Variants in C1R observed in about 807,000 individuals in gnomAD.
C1R encodes the protein complement C1r subcomponent.
A neutral mutation model predicts 27.6 loss-of-function variants in C1R; 15 were observed. The observed-to-expected ratio is 0.54, with a 90% CI of 0.36 to 0.84. The LOEUF (loss-of-function observed/expected upper bound fraction) is 0.84. Among genes scored for constraint, C1R ranks in the 40% least tolerant of loss-of-function variants. C1R has a pLI of 0.01. For missense variants in C1R, 544 were observed against 577.9 expected (o/e 0.94, Z 0.60); for synonymous variants, 253 against 228.8 (o/e 1.11, Z -0.95).
rs1441230026 is a variant in C1R at position 7,081,453 on chromosome 12, A to G, written c.1349-152T>C. 8 of 636,500 alleles carry G rather than the reference A, an allele frequency of 1.3e-5. No homozygotes were observed. In the Admixed American group the frequency reaches 1.6e-4, roughly 13 times the overall value. 39.4% of individuals were successfully genotyped at this position (636,500 alleles called of 1,614,324 possible). On this transcript the variant is annotated intron_variant, in intron 10 of 10. Transcript: ENST00000647956. The stretch of plus-strand genomic sequence containing the variant: ...ATCCCCACACCTCCGTCATTGGCCT[A>G]TTGACAGGCTCTTCTTGTTCTTGTT...
intron 7 of C1R, chr12:7,087,659 A>T (rs1938176093): frequency 6.5e-6 from 1 of 154,372 alleles, no homozygotes; most frequent in South Asian, 2.0e-4. Context: ...ATGGAGCTGG[A>T]AGCACCTTGG....
Position 7,091,890 on chromosome 12 carries a change from G to T in C1R, c.3-210C>A. The T allele has an allele frequency of 1.4e-6, 1 of 690,826 alleles. No homozygotes were observed. Among genetic ancestry groups the T allele is most frequent in the Non-Finnish European group, 2.6e-6 (1 of 378,966 alleles). 42.8% of individuals were successfully genotyped at this position (690,826 alleles called of 1,614,324 possible). ...GCATCGGGTCACTCTCCAGGGCAGT[G>T]TCCAGTCCAGAGGCCACCACACTCC... On this transcript the variant is annotated intron_variant, in intron 1 of 10. Transcript: ENST00000647956. This position sits in a 1 kb window ranked among gnomAD's most constrained non-coding sequence, Gnocchi z 5.1.
intron 7 of C1R, among the ~76,000 whole-genome samples, chr12:7,088,069 G>A (rs1342349439): frequency 6.6e-6 from 1 of 152,210 alleles, no homozygotes; most frequent in Non-Finnish European, 1.5e-5. Flanking sequence ...AAGAGCCCCG[G>A]AGCAGGAGGC....
Position 7,080,960 on chromosome 12 carries a change from C to T in C1R, c.1690G>A (p.Glu564Lys). The change falls in exon 11 of 11, where the codon GAA becomes AAA. Residue 564 changes from glutamate to lysine, a missense_variant. Around this residue, in one of 2 missense-constraint regions of C1R, gnomAD observed 253 missense variants for 368.9 expected, o/e 0.69. Transcript: ENST00000647956. The surrounding 1 kb of genome is among the most constrained non-coding windows in gnomAD (Gnocchi z 4.9). ...FEGDIALLEL[E>K]NSVTLGPNLL... ...TTGGGACCCAGGGTGACACTATTTT[C>T]CAGCTCCAGCAGGGCGATGTCCCCC... 6.2e-7 allele frequency: 1 copy of T among 1,613,430 alleles called. No individual in the cohort carries two copies. The highest frequency in any genetic ancestry group is 8.5e-7 in the Non-Finnish European group (1 of 1,179,428).
At position 7,082,126 on chromosome 12, in the gene C1R, G is replaced by T; in HGVS notation, c.1274-20C>A. The T allele has an allele frequency of 7.2e-7, 1 of 1,392,828 alleles. No individual in the cohort carries two copies. The highest frequency in any genetic ancestry group is 9.9e-7 in the Non-Finnish European group (1 of 1,015,096). The allele number at this position is 1,392,828 out of a possible 1,614,324, so 86.3% of individuals were successfully genotyped here. ...ACACCCCTGAGGGCAGAGGAGGCAA[G>T]AATCAAGTTGGGGGGTGATGGGTAA... On this transcript the variant is annotated intron_variant, in intron 9 of 10. Transcript: ENST00000647956.
chr12:7,086,956 A>G (rs1478476369), intron 7 of C1R: 1 of 152,490 alleles, frequency 6.6e-6, no homozygotes, highest in Non-Finnish European at 1.5e-5. Context: ...GCAGCTTTGA[A>G]AGGTGCTGGA....
At position 7,080,637 on chromosome 12, in the gene C1R, C is replaced by T. The variant is rs202082509; in HGVS notation, c.2013G>A (p.Thr671=). 1.3e-4 allele frequency: 216 copies of T among 1,613,930 alleles called. No homozygotes were observed. The African/African-American group carries it at 2.3e-3, about 17-fold the overall frequency. Residue 671 remains threonine, a synonymous_variant, in exon 11 of 11, where the codon ACG becomes ACA. Transcript: ENST00000647956. This position sits in a 1 kb window ranked among gnomAD's most constrained non-coding sequence, Gnocchi z 4.9. The part of the protein sequence containing the change: ...RDPNTDRWVA[T]GIVSWGIGCS... ...ACCCGATGCCCCAGGACACGATGCC[C>T]GTGGCCACCCAGCGATCAGTGTTCG... is the stretch of plus-strand genomic sequence containing the variant.
chr12:7,088,041 G>A (rs764171998), intron 7 of C1R, among the ~76,000 whole-genome samples: 1 of 152,152 alleles, frequency 6.6e-6, no homozygotes, highest in African/African-American at 2.4e-5. Context: ...CGCAGGGGGA[G>A]ACCACCAACA....
At position 7,080,818 on chromosome 12, in the gene C1R, C is replaced by T. The variant is rs755238983; in HGVS notation, c.1832G>A (p.Arg611His). 6 of 1,613,786 alleles carry T rather than the reference C, an allele frequency of 3.7e-6. No homozygotes were observed. The African/African-American group carries it at 4.0e-5, about 11-fold the overall frequency. Residue 611 changes from arginine to histidine, a missense_variant, in exon 11 of 11, where the codon CGT becomes CAT. Coordinates refer to ENST00000647956, the MANE Select transcript of C1R (RefSeq NM_001733.7). This position sits in a 1 kb window ranked among gnomAD's most constrained non-coding sequence, Gnocchi z 4.9. ...GGCCTGTGGATTAGCTACGGGCAGACGGACAAACCTGAGGTCATGAGCAAT... is the reference window on the plus strand; with the variant it reads ...GGCCTGTGGATTAGCTACGGGCAGATGGACAAACCTGAGGTCATGAGCAAT... ...EKIAHDLRFV[R>H]LPVANPQACE...
Position 7,080,654 on chromosome 12 carries a change from C to G in C1R, c.1996G>C (p.Asp666His). The change falls in exon 11 of 11, where the codon GAT (aspartate) becomes CAT (histidine). Residue 666 changes from aspartate (D) to histidine (H), a missense_variant. By Grantham distance (81) the Asp-to-His change is moderately conservative. Coordinates refer to ENST00000647956, the MANE Select transcript of C1R (RefSeq NM_001733.7). The surrounding 1 kb of genome is among the most constrained non-coding windows in gnomAD (Gnocchi z 4.9). The part of the protein sequence containing the change: ...GVFAVRDPNT[D>H]RWVATGIVSW... ...ACGATGCCCGTGGCCACCCAGCGATCAGTGTTCGGGTCCCTTACTGCAAAA... is the reference window on the plus strand; with the variant it reads ...ACGATGCCCGTGGCCACCCAGCGATGAGTGTTCGGGTCCCTTACTGCAAAA... 1 of 1,613,938 alleles carries G rather than the reference C, an allele frequency of 6.2e-7. No individual in the cohort carries two copies. Among genetic ancestry groups the G allele is most frequent in the Non-Finnish European group, 8.5e-7 (1 of 1,179,890 alleles).
chr12:7,082,582 C>T (rs983867567), intron 9 of C1R, among the ~76,000 whole-genome samples: 1,665 of 152,116 alleles, frequency 0.011, 24 homozygotes, highest in African/African-American at 0.037. Context: ...CCACCTGCCT[C>T]GGTCTCCCAA....
intron 8 of C1R, 149 bp downstream of exon 8, chr12:7,086,230 C>G: frequency 2.5e-6 from 1 of 397,646 alleles, no homozygotes; most frequent in Non-Finnish European, 4.4e-6. Context: ...TCACTGATTC[C>G]TGAGATGGCC....
At chr12:7,086,340 G>A in intron 8 of C1R, 39 bp downstream of exon 8, 1 of 398,560 alleles carries the variant, frequency 2.5e-6, no homozygotes, top group East Asian at 3.6e-5. Context: ...GGCAGGAGGT[G>A]GGAGGTCCCC....
chr12:7,082,706 A>G (rs1305778910), intron 9 of C1R, among the ~76,000 whole-genome samples: 2 of 152,318 alleles, frequency 1.3e-5, no homozygotes, highest in Non-Finnish European at 2.9e-5. Context: ...GAAGGAATAT[A>G]TCAAAATCTT....
intron 2 of C1R, 84 bp from the exon 3 acceptor site, chr12:7,090,332 C>T (rs1170035130): frequency 1.8e-5 from 12 of 657,190 alleles, no homozygotes; most frequent in Non-Finnish European, 2.5e-5. Context: ...CTCCTTGTCT[C>T]GCCCAGAGTG....
At chr12:7,092,218 C>T in intron 1 of C1R, 169 bp downstream of exon 1, 1 of 677,382 alleles carries the variant, frequency 1.5e-6, no homozygotes, top group Non-Finnish European at 2.8e-6. Flanking sequence ...CCTCTGATCC[C>T]TAGGAGGAGG....
At chr12:7,088,071 G>A (rs183836682) in intron 7 of C1R, among the ~76,000 whole-genome samples, 1 of 152,310 alleles carries the variant, frequency 6.6e-6, no homozygotes, top group Non-Finnish European at 1.5e-5. Context: ...GAGCCCCGGA[G>A]CAGGAGGCAG....
chr12:7,090,972 A>G (rs7135975), intron 2 of C1R, among the ~76,000 whole-genome samples: 35,388 of 152,126 alleles, frequency 0.23, 4,370 homozygotes, highest in South Asian at 0.37. Flanking sequence ...GGATAGAGAA[A>G]GACAGGCCTG....
chr12:7,090,285 GT>G (rs2135744434), intron 2 of C1R, 37 bp from the exon 3 acceptor site: 1 of 706,762 alleles, frequency 1.4e-6, no homozygotes, highest in South Asian at 1.5e-5. Flanking sequence ...AAGAAGATCT[GT>G]TGCGGAGTGG....
Sources: allele counts gnomAD v4.1 joint callset (sites outside exome capture counted in the v4.1 genomes callset), GRCh38; gene constraint gnomAD v4.1.1; regional missense constraint gnomAD v4.1.1; non-coding constraint Gnocchi (gnomAD v3.1); transcripts MANE v1.5; gene names NCBI Gene and HGNC (gene_info 2026-07-23, HGNC 2026-07-21).